The following PCDH15 variants were observed in gnomAD, a reference collection of about 807,000 sequenced individuals.
PCDH15 encodes protocadherin-15.
PCDH15 carries 129 observed loss-of-function variants against 178.5 expected under a neutral mutation model. That is an observed-to-expected ratio of 0.72 (90% confidence interval 0.63 to 0.84). The LOEUF is 0.84. PCDH15 is among the 40% of genes least tolerant of loss of function. The pLI, the probability that PCDH15 is intolerant of heterozygous loss-of-function variation, is 0.00. For synonymous variants in PCDH15, 800 were observed against 732.0 expected, an observed-to-expected ratio of 1.09 and a Z score of -1.50; for missense variants, 2,230 against 2,099.9, an observed-to-expected ratio of 1.06 and a Z score of -1.21.
chr10:54,486,183 T>G (rs750525656), intron 3 of PCDH15: 14 of 151,934 alleles, frequency 9.2e-5, no homozygotes, highest in Admixed American at 1.3e-4. Context: ...ATTCAGTCAG[T>G]AGCTTGGGCA....
intron 2 of PCDH15, chr10:54,599,827 G>A: frequency 1.6e-6 from 1 of 619,410 alleles, no homozygotes; most frequent in Non-Finnish European, 3.0e-6. Context: ...AAAAGAGGAA[G>A]GTGAGCAGAA....
chr10:54,003,752 A>C (rs949982763), intron 20 of PCDH15, among the ~76,000 whole-genome samples: 3 of 150,720 alleles, frequency 2.0e-5, no homozygotes, highest in Non-Finnish European at 3.0e-5. Flanking sequence ...AAAAAAAAAA[A>C]AAAAAAAAAC....
chr10:54,302,348 T>C (rs890442259), intron 8 of PCDH15, among the ~76,000 whole-genome samples: 3 of 152,196 alleles, frequency 2.0e-5, no homozygotes, highest in Non-Finnish European at 4.4e-5. Context: ...TTTGTTGTTT[T>C]AGACTAGACT....
At chr10:55,349,867 T>A (rs182550268) in intron 2 of PCDH15, among the ~76,000 whole-genome samples, 241 of 152,172 alleles carry the variant, frequency 1.6e-3, no homozygotes, top group Non-Finnish European at 2.9e-3. Context: ...TAGTATTAAA[T>A]AAGTTGAAGA....
intron 10 of PCDH15, 86 bp downstream of exon 10, chr10:54,213,850 A>G (rs766075027): frequency 6.9e-6 from 6 of 866,804 alleles, no homozygotes; most frequent in Non-Finnish European, 1.1e-5. Context: ...TAATTTTATA[A>G]CATAAAACTG....
At chr10:55,336,235 C>T (rs1429527081) in intron 2 of PCDH15, among the ~76,000 whole-genome samples, 3 of 151,564 alleles carry the variant, frequency 2.0e-5, no homozygotes, top group Admixed American at 6.6e-5. Flanking sequence ...CGCAGTGGCT[C>T]CTGCCTGTAA....
At position 54,369,254 on chromosome 10, in the gene PCDH15, T is replaced by G. The variant is rs1249665093; in HGVS notation, c.340A>C (p.Ile114Leu). The change falls in exon 5 of 38, where the codon ATT (isoleucine) becomes CTT (leucine). Residue 114 changes from isoleucine (I) to leucine (L), a missense_variant. By Grantham distance (5) the Ile-to-Leu change is conservative. Transcript: ENST00000644397. ...TTGATGCACTGGACCTGCACCACAA[T>G]GGAGTGTATGTTCATCGGTGGCTGC... ...DRDPPMNIHS[I>L]VVQVQCINKK... 6.2e-6 allele frequency: 10 copies of G among 1,612,744 alleles called. No homozygotes were observed. Among genetic ancestry groups the G allele is most frequent in the Non-Finnish European group, 8.5e-6 (10 of 1,179,208 alleles).
intron 2 of PCDH15, among the ~76,000 whole-genome samples, chr10:55,328,949 TAA>T (rs1554853664): frequency 7.3e-4 from 90 of 123,284 alleles, no homozygotes; most frequent in African/African-American, 2.6e-3. Context: ...TATATATATA[TAA>T]AATATATAAT....
At chr10:55,528,539 C>T (rs1329995398) in intron 2 of PCDH15, among the ~76,000 whole-genome samples, 2 of 152,056 alleles carry the variant, frequency 1.3e-5, no homozygotes, top group African/African-American at 2.4e-5. Flanking sequence ...ATCCATGTCC[C>T]TACAAAGGAC....
At chr10:54,881,782 G>A (rs1262976889) in intron 3 of PCDH15, among the ~76,000 whole-genome samples, 5 of 152,074 alleles carry the variant, frequency 3.3e-5, no homozygotes, top group African/African-American at 7.2e-5. Flanking sequence ...CAATAGACTG[G>A]TGGGGCTTTT....
At chr10:54,772,686 C>A (rs1449631833) in intron 1 of PCDH15, among the ~76,000 whole-genome samples, 1 of 152,048 alleles carries the variant, frequency 6.6e-6, no homozygotes. Context: ...ATTATTTCAA[C>A]CATTGTGGAA....
chr10:55,077,908 G>A (rs758946496), intron 2 of PCDH15, among the ~76,000 whole-genome samples: 8 of 152,024 alleles, frequency 5.3e-5, no homozygotes, highest in Non-Finnish European at 1.2e-4. Context: ...TCATTACTTT[G>A]CGAGTGAGTT....
At chr10:54,658,355 A>G (rs1432405694) in intron 2 of PCDH15, among the ~76,000 whole-genome samples, 1 of 152,164 alleles carries the variant, frequency 6.6e-6, no homozygotes, top group Non-Finnish European at 1.5e-5. Flanking sequence ...CAAGGTCAAT[A>G]CTAAAGAAAA....
At chr10:54,728,684 A>C (rs148071979) in intron 1 of PCDH15, among the ~76,000 whole-genome samples, 1 of 151,508 alleles carries the variant, frequency 6.6e-6, no homozygotes, top group Non-Finnish European at 1.5e-5. Context: ...AGAAAACCCC[A>C]TAGTCCCTGC....
intron 1 of PCDH15, among the ~76,000 whole-genome samples, chr10:55,270,038 C>A (rs946580533): frequency 3.9e-5 from 6 of 151,922 alleles, no homozygotes; most frequent in Admixed American, 1.3e-4. Flanking sequence ...AGGAAAGGAA[C>A]CTCTATTCAA....
At chr10:54,584,454 GT>G (rs950944391) in intron 2 of PCDH15, among the ~76,000 whole-genome samples, 2 of 151,776 alleles carry the variant, frequency 1.3e-5, no homozygotes, top group Non-Finnish European at 2.9e-5. Context: ...ACTCTCAATA[GT>G]TTTTTTTCTC....
At chr10:54,853,312 TATATATACATAC>T (rs1564570270) in intron 3 of PCDH15, among the ~76,000 whole-genome samples, 3 of 128,332 alleles carry the variant, frequency 2.3e-5, no homozygotes, top group Non-Finnish European at 4.8e-5. Flanking sequence ...TATATATATA[TATATATACATAC>T]ACACACATAT....
chr10:55,302,491 A>T (rs1843311353), intron 1 of PCDH15, among the ~76,000 whole-genome samples: 2 of 152,120 alleles, frequency 1.3e-5, no homozygotes, highest in Admixed American at 6.6e-5. Flanking sequence ...TGGCAGGCTG[A>T]CCAAGGAAAA....
intron 18 of PCDH15, among the ~76,000 whole-genome samples, chr10:54,065,469 C>T (rs1205555764): frequency 6.6e-6 from 1 of 152,100 alleles, no homozygotes; most frequent in Non-Finnish European, 1.5e-5. Flanking sequence ...GTTGGAGAAT[C>T]CACAGTAAGC....
Sources: gnomAD v4.1 joint callset for allele counts (sites outside exome capture counted in the v4.1 genomes callset) on GRCh38, gnomAD v4.1.1 for gene constraint, MANE v1.5 for transcripts, NCBI Gene and HGNC (gene_info 2026-07-23, HGNC 2026-07-21) for gene names.